The following HERC2 variants were observed in gnomAD, a reference collection of about 807,000 sequenced individuals.
HERC2 encodes the protein HECT and RLD domain containing E3 ubiquitin protein ligase 2.
A neutral mutation model predicts 537.7 loss-of-function variants in HERC2; 102 were observed. The ratio of observed to expected loss-of-function variants is 0.19; its 90% CI spans 0.16 to 0.22. HERC2 has a LOEUF of 0.22. Ranked by LOEUF, HERC2 falls within the 10% of genes least tolerant of loss-of-function variation. The pLI is 1.00. For missense variants in HERC2, 4,236 were observed against 6,198.2 expected (o/e 0.68, Z 10.63); for synonymous variants, 2,224 against 2,466.2 (o/e 0.90, Z 2.91).
At chr15:28,197,157 C>G (rs1230246767) in intron 50 of HERC2, among the ~76,000 whole-genome samples, 2 of 152,210 alleles carry the variant, frequency 1.3e-5, no homozygotes, top group African/African-American at 2.4e-5. Flanking sequence ...CTAGGAACCT[C>G]TCACCACTGG....
At chr15:28,308,400 T>C (rs2076850916) in intron 2 of HERC2, among the ~76,000 whole-genome samples, 1 of 152,262 alleles carries the variant, frequency 6.6e-6, no homozygotes, top group African/African-American at 2.4e-5. Flanking sequence ...TGTATGTTGA[T>C]TTCGTATACT....
rs914293937 is a variant in HERC2, at chr15:28,277,142, C to T, written c.543-2137G>A. Among the ~76,000 whole-genome samples the T allele has an allele frequency of 3.3e-5, 5 of 152,172 alleles. 1 individual carries two copies. Among genetic ancestry groups the T allele is most frequent in the African/African-American group, 1.2e-4 (5 of 41,516 alleles). ...CAATGTCAAAAAATCACATAATAGG[C>T]ACACAGAACAGATGAGTGGTTGCCA... On this transcript the variant is annotated intron_variant, in intron 5 of 92. Coordinates refer to ENST00000261609, the MANE Select transcript of HERC2 (RefSeq NM_004667.6).
At chr15:28,240,157 G>A (rs546127335) in intron 23 of HERC2, among the ~76,000 whole-genome samples, 16 of 152,188 alleles carry the variant, frequency 1.1e-4, no homozygotes, top group East Asian at 1.9e-4. Context: ...AGTGGCTCAC[G>A]CCTGTAATCC....
At chr15:28,318,280 G>C (rs1196051418) in intron 2 of HERC2, among the ~76,000 whole-genome samples, 1 of 152,004 alleles carries the variant, frequency 6.6e-6, no homozygotes, top group African/African-American at 2.4e-5. Context: ...TACTCTTTAC[G>C]AGAGCAGTGA....
At position 28,111,685 on chromosome 15, in the gene HERC2, G is replaced by A; in HGVS notation, c.*78C>T. The A allele has an allele frequency of 6.7e-7, 1 of 1,484,748 alleles. No homozygotes were observed. The allele number at this position is 1,484,748 out of a possible 1,614,324, so 92.0% of individuals were successfully genotyped here. A position where few individuals can be genotyped will look rare whatever the true frequency, so the allele number is the denominator to read the frequency against. On this transcript the variant is annotated 3_prime_UTR_variant, in exon 93 of 93. Coordinates refer to ENST00000261609, the MANE Select transcript of HERC2 (RefSeq NM_004667.6). ...CGGACGCTTCTCATCAGACACACCA[G>A]GCAGCCTACAGTCTACACAGCAGCG...
chr15:28,133,660 A>C (rs1596014479), intron 79 of HERC2, among the ~76,000 whole-genome samples: 2 of 152,354 alleles, frequency 1.3e-5, no homozygotes, highest in Non-Finnish European at 2.9e-5. Context: ...ATTTCTTGCC[A>C]TAGGTTATCC....
rs140874625 is a variant in HERC2, at chr15:28,311,771, C to T, written c.72+9591G>A. On this transcript the variant is annotated intron_variant, in intron 2 of 92. Coordinates refer to ENST00000261609, the MANE Select transcript of HERC2 (RefSeq NM_004667.6). The stretch of plus-strand genomic sequence containing the variant: ...CAGAGAGGGGAGACCCCTGCCCAGA[C>T]CTGAAAGCACTCTAAGATCGCCCCA... Among the ~76,000 whole-genome samples the T allele has an allele frequency of 9.4e-3, 1,424 of 152,256 alleles. 10 individuals carry two copies. Among genetic ancestry groups the T allele is most frequent in the Middle Eastern group, 0.031 (9 of 294 alleles).
In HERC2 at chr15:28,144,664, C is replaced by T; in HGVS notation, c.11140+9G>A. ...ATCTAACCTTGATCGCCATAAGCCC[C>T]TTCCTTACCAGCAGCTGGCATGATG... On this transcript the variant is annotated intron_variant, in intron 72 of 92. Transcript: ENST00000261609. 6.2e-7 allele frequency: 1 copy of T among 1,614,226 alleles called. No individual in the cohort carries two copies. Among genetic ancestry groups the T allele is most frequent in the South Asian group, 1.1e-5 (1 of 91,086 alleles).
intron 44 of HERC2, among the ~76,000 whole-genome samples, chr15:28,207,451 G>A (rs2428635): frequency 6.6e-5 from 10 of 152,252 alleles, no homozygotes; most frequent in African/African-American, 2.2e-4. Flanking sequence ...ACTCTCTTTC[G>A]TGTTCACTCA....
intron 65 of HERC2, among the ~76,000 whole-genome samples, chr15:28,171,612 T>C (rs1169718542): frequency 6.6e-6 from 1 of 151,950 alleles, no homozygotes; most frequent in Non-Finnish European, 1.5e-5. Flanking sequence ...AACAAAATAT[T>C]TGTATGACAA....
In HERC2 at chr15:28,191,340, A is replaced by AT. The variant is rs1293529356; in HGVS notation, c.8452-97dup. The AT allele has an allele frequency of 2.3e-5, 17 of 740,018 alleles. 1 individual carries two copies. The highest frequency in any genetic ancestry group is 5.2e-5 in the South Asian group (3 of 57,214). The allele number at this position is 740,018 out of a possible 1,614,324, so 45.8% of individuals were successfully genotyped here. On this transcript the variant is annotated intron_variant, in intron 53 of 92. Transcript: ENST00000261609. The stretch of plus-strand genomic sequence containing the variant: ...TCGTTGAAGCTTGAATCTACATGAG[A>AT]TTTTTTCAATATAAAATGTAGCATG...
chr15:28,128,973 C>T (rs1413241114), intron 83 of HERC2, among the ~76,000 whole-genome samples: 1 of 152,216 alleles, frequency 6.6e-6, no homozygotes, highest in Non-Finnish European at 1.5e-5. Flanking sequence ...ACTACCTCTT[C>T]AGTCACATCT....
At chr15:28,211,497 CCT>C (rs1899226632) in intron 43 of HERC2, among the ~76,000 whole-genome samples, 1 of 152,166 alleles carries the variant, frequency 6.6e-6, no homozygotes, top group South Asian at 2.1e-4. Flanking sequence ...TTCTAAGACT[CCT>C]CTGAGAGAAT....
intron 20 of HERC2, among the ~76,000 whole-genome samples, chr15:28,249,266 G>A (rs1379502562): frequency 6.6e-6 from 1 of 152,184 alleles, no homozygotes; most frequent in Non-Finnish European, 1.5e-5. Context: ...TTACTCGCAA[G>A]CAGCACTGGG....
intron 4 of HERC2, among the ~76,000 whole-genome samples, chr15:28,285,543 C>T (rs909632696): frequency 6.6e-6 from 1 of 151,664 alleles, no homozygotes; most frequent in Admixed American, 6.6e-5. Context: ...GAAAGAGCTA[C>T]AGTGGGTGAT....
At position 28,313,502 on chromosome 15, in the gene HERC2, TAG is replaced by T. The variant is rs575938325; in HGVS notation, c.72+7858_72+7859del. 2.5e-4 allele frequency among the ~76,000 whole-genome samples: 38 copies of T among 152,190 alleles called. No homozygotes were observed. In the East Asian group the frequency reaches 7.0e-3, roughly 28 times the overall value. ...ATTTATTAAAGTGACTTCAGAACTA[TAG>T]AGTCAGGCAATAAAATCCAAAACTG... On this transcript the variant is annotated intron_variant, in intron 2 of 92. Coordinates refer to ENST00000261609, the MANE Select transcript of HERC2 (RefSeq NM_004667.6).
Position 28,233,216 on chromosome 15 carries a change from T to C in HERC2, c.4605A>G (p.Lys1535=), listed in dbSNP as rs753999424. 105 of 1,610,958 alleles carry C rather than the reference T, an allele frequency of 6.5e-5. No individual in the cohort carries two copies. The highest frequency in any genetic ancestry group is 8.1e-5 in the Non-Finnish European group (96 of 1,179,176). The part of the protein sequence containing the change: ...CNDLSIMSKF[K]LLSSLPRWRR... ...TCCAACGGGGCAAAGAACTTAACAA[T>C]TTAAACTTAGACATTATAGAGAGGT... The change falls in exon 30 of 93, where the codon AAA becomes AAG. Residue 1535 remains lysine, a synonymous_variant. Coordinates refer to ENST00000261609, the MANE Select transcript of HERC2 (RefSeq NM_004667.6).
At chr15:28,229,129 G>A in intron 34 of HERC2, 66 bp downstream of exon 34, 5 of 1,389,926 alleles carry the variant, frequency 3.6e-6, no homozygotes, top group Non-Finnish European at 5.1e-6. Flanking sequence ...ATTGGCATTT[G>A]CAAGTTTCCA....
intron 69 of HERC2, among the ~76,000 whole-genome samples, chr15:28,153,069 T>C (rs983230941): frequency 5.9e-5 from 9 of 152,312 alleles, no homozygotes; most frequent in South Asian, 2.1e-4. Context: ...AAAAAGTCGT[T>C]GGGGCCAGGC....
Sources: allele counts gnomAD v4.1 joint callset (sites outside exome capture counted in the v4.1 genomes callset), GRCh38; gene constraint gnomAD v4.1.1; transcripts MANE v1.5; gene names NCBI Gene and HGNC (gene_info 2026-07-23, HGNC 2026-07-21).